Variants in BLNK observed in about 807,000 individuals in gnomAD.
The protein encoded by BLNK is B cell linker.
A neutral mutation model predicts 73.5 loss-of-function variants in BLNK; 29 were observed. That is an observed-to-expected ratio of 0.39 (90% CI 0.29 to 0.54). The LOEUF (loss-of-function observed/expected upper bound fraction) is 0.54, where lower values mean the gene tolerates loss of function less well. Among genes scored for constraint, BLNK ranks in the 20% least tolerant of loss-of-function variants. The pLI is 0.61. For missense variants in BLNK, 460 were observed against 562.8 expected, an observed-to-expected ratio of 0.82 and a Z score of 1.85; for synonymous variants, 176 against 200.8, an observed-to-expected ratio of 0.88 and a Z score of 1.04.
intron 15 of BLNK, chr10:96,199,509 T>C (rs1554895530): frequency 4.3e-6 from 2 of 461,658 alleles, no homozygotes; most frequent in African/African-American, 2.0e-5. Flanking sequence ...TCCCACTGTT[T>C]GGAGGGCAGT....
rs1422432617 is a variant in BLNK, at chr10:96,190,821, G to A, written c.*1152C>T. On this transcript the variant is annotated 3_prime_UTR_variant, in exon 17 of 17. Transcript: ENST00000224337. Reference sequence around the variant, plus strand: ...TAAGACCTTGGACCTGATTCTCCACGATGGTATCTCTTTTATTCCTTGGTG... The same window carrying A: ...TAAGACCTTGGACCTGATTCTCCACAATGGTATCTCTTTTATTCCTTGGTG... 2.6e-5 allele frequency among the ~76,000 whole-genome samples: 4 copies of A among 152,168 alleles called. No individual in the cohort carries two copies. The highest frequency in any genetic ancestry group is 4.4e-5 in the Non-Finnish European group (3 of 68,028).
At chr10:96,250,011 G>T (rs782400969) in intron 1 of BLNK, among the ~76,000 whole-genome samples, 1 of 152,208 alleles carries the variant, frequency 6.6e-6, no homozygotes, top group African/African-American at 2.4e-5. Flanking sequence ...GGTACCCACT[G>T]AGGGACCCAC....
chr10:96,209,951 G>A (rs782802730), intron 8 of BLNK, 44 bp from the exon 9 acceptor site: 1 of 1,605,408 alleles, frequency 6.2e-7, no homozygotes, highest in Non-Finnish European at 8.5e-7. Flanking sequence ...TCCTGAGCCG[G>A]GGGCTGATGC....
At position 96,190,308 on chromosome 10, in the gene BLNK, C is replaced by A. The variant is rs117745343; in HGVS notation, c.*1665G>T. On this transcript the variant is annotated 3_prime_UTR_variant, in exon 17 of 17. Coordinates refer to ENST00000224337, the MANE Select transcript of BLNK (RefSeq NM_013314.4). ...AGAACAGCCATACAGGATGGAATCACGCCAGTAGTATTGTTCCTGTGTGTC... is the reference window on the plus strand; with the variant it reads ...AGAACAGCCATACAGGATGGAATCAAGCCAGTAGTATTGTTCCTGTGTGTC... The A allele has an allele frequency of 1.6e-6, 1 of 621,388 alleles. No homozygotes were observed. Among genetic ancestry groups the A allele is most frequent in the African/African-American group, 1.8e-5 (1 of 55,526 alleles). The allele number at this position is 621,388 out of a possible 1,614,324, so 38.5% of individuals were successfully genotyped here. A position where few individuals can be genotyped will look rare whatever the true frequency, so the allele number is the denominator to read the frequency against.
At chr10:96,228,160 C>T (rs905329305) in intron 4 of BLNK, among the ~76,000 whole-genome samples, 12 of 149,288 alleles carry the variant, frequency 8.0e-5, no homozygotes, top group Admixed American at 2.0e-4. Context: ...AGTGCAGTGG[C>T]GCAATCTCAG....
In BLNK at chr10:96,189,472, C is replaced by T; in HGVS notation, c.*2501G>A. On this transcript the variant is annotated 3_prime_UTR_variant, in exon 17 of 17. Transcript: ENST00000224337. ...GCTTCCACTTTGGGAAGAGAACCAC[C>T]TTTTTCTATACTTGCTTGCATTTTT... The T allele has an allele frequency of 3.2e-6, 2 of 630,364 alleles. No individual in the cohort carries two copies. The highest frequency in any genetic ancestry group is 5.9e-6 in the Non-Finnish European group (2 of 336,352). The allele number at this position is 630,364 out of a possible 1,614,324, so 39.0% of individuals were successfully genotyped here.
In BLNK at chr10:96,200,972, C is replaced by T. The variant is rs1381617576; in HGVS notation, c.1011+10G>A. ...TAACAATTTAGTGACATCAAGAGTT[C>T]ATTTCATACCTGTTCTGAAATAGTG... On this transcript the variant is annotated intron_variant, in intron 14 of 16. Transcript: ENST00000224337. This position sits in a 1 kb window ranked among gnomAD's most constrained non-coding sequence, Gnocchi z 4.3. 1 of 1,611,752 alleles carries T rather than the reference C, an allele frequency of 6.2e-7. No individual in the cohort carries two copies. Among genetic ancestry groups the T allele is most frequent in the Non-Finnish European group, 8.5e-7 (1 of 1,177,964 alleles).
intron 13 of BLNK, among the ~76,000 whole-genome samples, chr10:96,203,010 T>C (rs782168119): frequency 2.6e-5 from 4 of 152,232 alleles, no homozygotes; most frequent in Non-Finnish European, 2.9e-5. Context: ...TTTTTCTTTA[T>C]AGCACTTCAG....
At position 96,271,340 on chromosome 10, in the gene BLNK, G is replaced by T; in HGVS notation, c.47+12C>A. 6.2e-7 allele frequency: 1 copy of T among 1,613,838 alleles called. No homozygotes were observed. The highest frequency in any genetic ancestry group is 8.5e-7 in the Non-Finnish European group (1 of 1,179,774). On this transcript the variant is annotated intron_variant, in intron 1 of 16. Coordinates refer to ENST00000224337, the MANE Select transcript of BLNK (RefSeq NM_013314.4). ...GGAGATGAAGAAGGGTATTGGGTGG[G>T]GAAAATCTTACCTCAACTTCTGACT...
chr10:96,251,546 G>A (rs1490581156), intron 1 of BLNK, among the ~76,000 whole-genome samples: 2 of 152,150 alleles, frequency 1.3e-5, no homozygotes, highest in African/African-American at 2.4e-5. Context: ...TGGATAATAA[G>A]GTCACAATGT....
At chr10:96,260,115 T>C (rs993345134) in intron 1 of BLNK, among the ~76,000 whole-genome samples, 2 of 152,160 alleles carry the variant, frequency 1.3e-5, no homozygotes, top group Non-Finnish European at 2.9e-5. Flanking sequence ...ACCACCCACC[T>C]GGCAGAGGTC....
Position 96,197,045 on chromosome 10 carries a change from G to A in BLNK, c.1114C>T (p.Arg372Trp), listed in dbSNP as rs782566012. The A allele has an allele frequency of 3.7e-6, 6 of 1,612,200 alleles. No homozygotes were observed. Among genetic ancestry groups the A allele is most frequent in the East Asian group, 2.2e-5 (1 of 44,716 alleles). The change falls in exon 16 of 17, where the codon CGG becomes TGG. Residue 372 changes from arginine to tryptophan, a missense_variant. Physicochemically the swap from Arg to Trp is moderately radical, Grantham distance 101 (BLOSUM62 -3). Coordinates refer to ENST00000224337, the MANE Select transcript of BLNK (RefSeq NM_013314.4). ...TTGGAATCATGGCCAGAGCTTTTCC[G>A]AATAAGAAATGATCCATCCTGTTTA... Reference protein sequence around the residue: ...RSNKDGSFLIRKSSGHDSKQP... With the variant: ...RSNKDGSFLIWKSSGHDSKQP...
chr10:96,199,714 G>A (rs868935880), intron 15 of BLNK, among the ~76,000 whole-genome samples: 3 of 152,292 alleles, frequency 2.0e-5, no homozygotes, highest in Middle Eastern at 6.8e-3. Flanking sequence ...GGCAAAACGT[G>A]TGATTTAAAA....
At chr10:96,192,333 G>A (rs2083349026) in intron 16 of BLNK, among the ~76,000 whole-genome samples, 1 of 152,158 alleles carries the variant, frequency 6.6e-6, no homozygotes, top group African/African-American at 2.4e-5. Flanking sequence ...TACTTAGAGA[G>A]ATTACTTCAC....
rs2083328813 is a variant in BLNK at position 96,191,467 on chromosome 10, C to T, written c.*506G>A. Among the ~76,000 whole-genome samples, 1 of 151,900 alleles carries T rather than the reference C, an allele frequency of 6.6e-6. No homozygotes were observed. The highest frequency in any genetic ancestry group is 1.5e-5 in the Non-Finnish European group (1 of 67,976). Reference sequence around the variant, plus strand: ...TATATATCCCATGGTTGAGAGTGCTCACAAAAAGGAACCATTACATCCTTC... The same window carrying T: ...TATATATCCCATGGTTGAGAGTGCTTACAAAAAGGAACCATTACATCCTTC... On this transcript the variant is annotated 3_prime_UTR_variant, in exon 17 of 17. Transcript: ENST00000224337.
intron 1 of BLNK, among the ~76,000 whole-genome samples, chr10:96,254,547 G>T (rs1305554747): frequency 6.6e-6 from 1 of 150,624 alleles, no homozygotes; most frequent in Admixed American, 6.6e-5. Context: ...TCTCGCTCTT[G>T]TCCCCCAGGC....
In BLNK at chr10:96,189,700, T is replaced by TCAC. The variant is rs1448785115; in HGVS notation, c.*2272_*2273insGTG. 12 of 579,594 alleles carry TCAC rather than the reference T, an allele frequency of 2.1e-5. No homozygotes were observed. Among genetic ancestry groups the TCAC allele is most frequent in the Admixed American group, 4.5e-5 (2 of 44,340 alleles). The allele number at this position is 579,594 out of a possible 1,614,324, so 35.9% of individuals were successfully genotyped here. Reference sequence around the variant, plus strand: ...TTCTTCAGTTTCCTCATCATCAAAATCATCATCATCATCATCATCATCATC... The same window carrying TCAC: ...TTCTTCAGTTTCCTCATCATCAAAATCACCATCATCATCATCATCATCATCATC... On this transcript the variant is annotated 3_prime_UTR_variant, in exon 17 of 17. Coordinates refer to ENST00000224337, the MANE Select transcript of BLNK (RefSeq NM_013314.4).
chr10:96,262,283 A>G (rs755013928), intron 1 of BLNK, among the ~76,000 whole-genome samples: 1 of 152,206 alleles, frequency 6.6e-6, no homozygotes, highest in Non-Finnish European at 1.5e-5. Flanking sequence ...AGACACTGCC[A>G]TATCCCAAGT....
At chr10:96,237,801 G>A (rs1476448755) in intron 3 of BLNK, among the ~76,000 whole-genome samples, 2 of 152,230 alleles carry the variant, frequency 1.3e-5, no homozygotes, top group African/African-American at 4.8e-5. Context: ...CAAAATGGGA[G>A]TCTGGGATGG....
Sources: allele counts gnomAD v4.1 joint callset (sites outside exome capture counted in the v4.1 genomes callset), GRCh38; gene constraint gnomAD v4.1.1; non-coding constraint Gnocchi (gnomAD v3.1); transcripts MANE v1.5; gene names NCBI Gene and HGNC (gene_info 2026-07-23, HGNC 2026-07-21).